The following ARB2A variants were observed in gnomAD, a reference collection of about 807,000 sequenced individuals.
ARB2A encodes cotranscriptional regulator ARB2A.
chr5:93,669,835 C>T, the ARB2A span, among the ~76,000 whole-genome samples: 3 of 152,140 alleles, frequency 2.0e-5, no homozygotes, highest in Admixed American at 1.3e-4. Flanking sequence ...AAGTTTCACA[C>T]GTTGGTAAAA....
At chr5:93,749,807 T>C in the ARB2A span, among the ~76,000 whole-genome samples, 1 of 152,146 alleles carries the variant, frequency 6.6e-6, no homozygotes, top group Non-Finnish European at 1.5e-5. Flanking sequence ...GGAAGGAAGG[T>C]GGATACTTTC....
At chr5:94,062,274 G>A in the ARB2A span, among the ~76,000 whole-genome samples, 1 of 152,130 alleles carries the variant, frequency 6.6e-6, no homozygotes, top group Non-Finnish European at 1.5e-5. Context: ...TCAAAATGAG[G>A]GGGAGGTGCT....
chr5:94,073,071 G>T, the ARB2A span, among the ~76,000 whole-genome samples: 4 of 152,030 alleles, frequency 2.6e-5, no homozygotes, highest in Admixed American at 2.6e-4. Flanking sequence ...ATCTTGCCAT[G>T]TAAACGTGAA....
chr5:93,752,152 G>A, the ARB2A span, among the ~76,000 whole-genome samples: 1 of 152,120 alleles, frequency 6.6e-6, no homozygotes, highest in African/African-American at 2.4e-5. Flanking sequence ...ACCAGATAGA[G>A]CTAACAGAGG....
chr5:94,024,121 A>C, the ARB2A span, among the ~76,000 whole-genome samples: 2 of 152,186 alleles, frequency 1.3e-5, no homozygotes, highest in Non-Finnish European at 2.9e-5. Flanking sequence ...ATTTTATGTC[A>C]ATTTAGATGG....
the ARB2A span, among the ~76,000 whole-genome samples, chr5:93,945,412 C>G: frequency 7.5e-6 from 1 of 134,028 alleles, no homozygotes; most frequent in Non-Finnish European, 1.6e-5. Context: ...AAGATTCCAT[C>G]TCAAAAAAAA....
the ARB2A span, among the ~76,000 whole-genome samples, chr5:93,943,747 A>G: frequency 6.6e-6 from 1 of 152,156 alleles, no homozygotes; most frequent in Non-Finnish European, 1.5e-5. Flanking sequence ...TATTACTGAA[A>G]TTACTGAAAA....
chr5:93,621,291 G>C, the ARB2A span, among the ~76,000 whole-genome samples: 1 of 145,692 alleles, frequency 6.9e-6, no homozygotes, highest in Non-Finnish European at 1.5e-5. Context: ...CCGCCCCTCA[G>C]CCAGGACCCC....
At chr5:94,011,644 G>A in the ARB2A span, among the ~76,000 whole-genome samples, 1 of 152,124 alleles carries the variant, frequency 6.6e-6, no homozygotes, top group African/African-American at 2.4e-5. Context: ...CAGATTGAGG[G>A]AAAGAAGGAA....
the ARB2A span, among the ~76,000 whole-genome samples, chr5:93,757,977 C>G: frequency 6.6e-6 from 1 of 152,040 alleles, no homozygotes; most frequent in African/African-American, 2.4e-5. Flanking sequence ...ACTCACCAAC[C>G]AACTATCTGC....
chr5:93,860,077 G>A, the ARB2A span, among the ~76,000 whole-genome samples: 1 of 152,102 alleles, frequency 6.6e-6, no homozygotes, highest in Non-Finnish European at 1.5e-5. Context: ...GATGGATCAC[G>A]AGGTCAGGAG....
At chr5:94,028,754 G>A in the ARB2A span, among the ~76,000 whole-genome samples, 2 of 152,022 alleles carry the variant, frequency 1.3e-5, no homozygotes, top group African/African-American at 4.8e-5. Flanking sequence ...TTTCTGTGGG[G>A]TTTTTTTCTC....
At chr5:94,053,115 A>AG in the ARB2A span, 3 of 1,462,284 alleles carry the variant, frequency 2.1e-6, no homozygotes, top group Non-Finnish European at 1.9e-6. Context: ...ATAGATAGAT[A>AG]ACCCACTTAC....
At chr5:93,909,711 A>G in the ARB2A span, among the ~76,000 whole-genome samples, 3 of 150,988 alleles carry the variant, frequency 2.0e-5, no homozygotes, top group Admixed American at 6.6e-5. Flanking sequence ...TCCTTTTCCT[A>G]TTAAAATTTT....
the ARB2A span, among the ~76,000 whole-genome samples, chr5:94,047,336 A>G: frequency 6.6e-6 from 1 of 152,198 alleles, no homozygotes; most frequent in South Asian, 2.1e-4. Flanking sequence ...TACTAAAAAT[A>G]CAAAAATTAG....
chr5:93,922,924 A>G, the ARB2A span, among the ~76,000 whole-genome samples: 1 of 152,142 alleles, frequency 6.6e-6, no homozygotes, highest in Non-Finnish European at 1.5e-5. Context: ...GGTACCGTAT[A>G]GAAACATTTT....
the ARB2A span, among the ~76,000 whole-genome samples, chr5:93,711,323 T>C: frequency 1.3e-5 from 2 of 152,058 alleles, no homozygotes; most frequent in Non-Finnish European, 2.9e-5. Flanking sequence ...AAAACTCTAT[T>C]GTAATATCAA....
the ARB2A span, among the ~76,000 whole-genome samples, chr5:93,778,252 T>C: frequency 1.3e-5 from 2 of 152,222 alleles, no homozygotes; most frequent in African/African-American, 4.8e-5. Flanking sequence ...TTTTAGAAGA[T>C]ATTTCATACA....
the ARB2A span, among the ~76,000 whole-genome samples, chr5:93,888,817 T>C: frequency 6.6e-6 from 1 of 151,820 alleles, no homozygotes; most frequent in African/African-American, 2.4e-5. Flanking sequence ...TTCAAGAATA[T>C]ATCAGTGCTT....
Sources: allele counts gnomAD v4.1 joint callset (sites outside exome capture counted in the v4.1 genomes callset), GRCh38; gene constraint gnomAD v4.1.1; transcripts MANE v1.5; gene names NCBI Gene and HGNC (gene_info 2026-07-23, HGNC 2026-07-21).